The following LRGUK variants were observed in gnomAD, a reference collection of about 807,000 sequenced individuals.
LRGUK encodes the protein leucine-rich repeat and guanylate kinase domain-containing protein.
A neutral mutation model predicts 76.0 loss-of-function variants in LRGUK; 65 were observed. That is an observed-to-expected ratio of 0.85 (90% CI 0.70 to 1.05). The LOEUF (loss-of-function observed/expected upper bound fraction) is 1.05. LRGUK is among the 50% of genes least tolerant of loss of function. LRGUK has a pLI of 0.00. For missense variants in LRGUK, 758 were observed against 732.8 expected, an observed-to-expected ratio of 1.03 and a Z score of -0.40; for synonymous variants, 268 against 265.6, an observed-to-expected ratio of 1.01 and a Z score of -0.09.
At chr7:134,221,667 T>A in intron 15 of LRGUK, 112 bp from the exon 16 acceptor site, 1 of 718,206 alleles carries the variant, frequency 1.4e-6, no homozygotes, top group South Asian at 3.5e-5. Flanking sequence ...ATGCGCACAT[T>A]TTAAGTATCC....
At chr7:134,258,522 A>AC in intron 19 of LRGUK, 117 bp downstream of exon 19, 1 of 912,538 alleles carries the variant, frequency 1.1e-6, no homozygotes, top group East Asian at 2.8e-5. Flanking sequence ...AAATTGTGAA[A>AC]CCCCATCTCT....
chr7:134,157,908 A>G (rs1798553640), intron 5 of LRGUK, 127 bp from the exon 6 acceptor site: 5 of 636,720 alleles, frequency 7.9e-6, no homozygotes, highest in Non-Finnish European at 1.3e-5. Flanking sequence ...CTCATCCTAT[A>G]TTGGGCATAT....
chr7:134,184,041 A>G (rs1799873975), intron 11 of LRGUK, among the ~76,000 whole-genome samples, 188 bp downstream of exon 11: 1 of 152,222 alleles, frequency 6.6e-6, no homozygotes, highest in Non-Finnish European at 1.5e-5. Flanking sequence ...AAGTAAATTG[A>G]ATGTTCAATA....
rs568618665 is a variant in LRGUK, at chr7:134,221,889, G to A, written c.1954G>A (p.Ala652Thr). The change falls in exon 16 of 20, where the codon GCC (alanine) becomes ACC (threonine). Residue 652 changes from alanine to threonine, a missense_variant. By Grantham distance (58) the Ala-to-Thr change is moderately conservative (BLOSUM62 0). Transcript: ENST00000285928. ...CAGAAACTACCTCATTAAATTTTGG[G>A]CCAAACTTTCAGCCAAAAAAACACC... The A allele has an allele frequency of 3.8e-6, 6 of 1,593,632 alleles. No homozygotes were observed. In the East Asian group the frequency reaches 1.2e-4, roughly 31 times the overall value.
chr7:134,137,005 T>G lies in LRGUK; in HGVS notation c.298-18T>G. ...AATGAGAATCTTTTCTTTGTCTACC[T>G]TTCTGGGTTTTTTACAGGAGGAATT... On this transcript the variant is annotated intron_variant, in intron 1 of 15. Transcript: ENST00000645682. 6.4e-7 allele frequency: 1 copy of G among 1,568,866 alleles called. No individual in the cohort carries two copies. Among genetic ancestry groups the G allele is most frequent in the South Asian group, 1.1e-5 (1 of 88,800 alleles).
chr7:134,148,690 C>G (rs1321419278), intron 5 of LRGUK, among the ~76,000 whole-genome samples: 1 of 152,134 alleles, frequency 6.6e-6, no homozygotes, highest in African/African-American at 2.4e-5. Context: ...CTTTGGGAGG[C>G]CAAGGCAGGT....
At chr7:134,172,320 A>G (rs1799289706) in intron 7 of LRGUK, among the ~76,000 whole-genome samples, 1 of 152,296 alleles carries the variant, frequency 6.6e-6, no homozygotes, top group East Asian at 1.9e-4. Context: ...TTTACAAAAA[A>G]TTAGAATATA....
intron 4 of LRGUK, among the ~76,000 whole-genome samples, chr7:134,146,439 AGTTT>A (rs1194744091): frequency 6.6e-6 from 1 of 152,070 alleles, no homozygotes; most frequent in Non-Finnish European, 1.5e-5. Context: ...GCTTATTCCT[AGTTT>A]ATTATTATTC....
chr7:134,268,715 A>AAAT (rs1802904777), downstream of LRGUK, among the ~76,000 whole-genome samples: 1 of 111,866 alleles, frequency 8.9e-6, no homozygotes, highest in Non-Finnish European at 1.9e-5. Flanking sequence ...TATGCAAAAA[A>AAAT]TCTTTTTTTT....
the LRGUK span, among the ~76,000 whole-genome samples, chr7:134,271,667 T>A: frequency 6.6e-6 from 1 of 152,004 alleles, no homozygotes; most frequent in Non-Finnish European, 1.5e-5. Flanking sequence ...GTTTCTCTTT[T>A]TTTATGATAC....
At chr7:134,252,418 T>G (rs1166736543) in intron 18 of LRGUK, among the ~76,000 whole-genome samples, 4 of 152,112 alleles carry the variant, frequency 2.6e-5, no homozygotes, top group African/African-American at 9.7e-5. Flanking sequence ...CCAAAAGCTG[T>G]CGTCCAACAA....
chr7:134,152,059 G>A (rs890008967), intron 5 of LRGUK, among the ~76,000 whole-genome samples: 1 of 151,930 alleles, frequency 6.6e-6, no homozygotes, highest in Non-Finnish European at 1.5e-5. Flanking sequence ...ACAAGAGAAA[G>A]AAATTAAAGG....
At chr7:134,211,939 C>A (rs987247607), downstream of LRGUK, among the ~76,000 whole-genome samples, 1 of 152,160 alleles carries the variant, frequency 6.6e-6, no homozygotes, top group African/African-American at 2.4e-5. Flanking sequence ...CTAGTCATCT[C>A]CTGGACTCTG....
intron 5 of LRGUK, among the ~76,000 whole-genome samples, chr7:134,156,890 A>G (rs1321287533): frequency 1.3e-5 from 2 of 152,190 alleles, no homozygotes; most frequent in African/African-American, 4.8e-5. Flanking sequence ...AAGGCAAAAA[A>G]ATGGCAGGTC....
intron 4 of LRGUK, among the ~76,000 whole-genome samples, chr7:134,146,369 C>A (rs2116860211): frequency 6.6e-6 from 1 of 152,124 alleles, no homozygotes; most frequent in East Asian, 1.9e-4. Context: ...CATACTATGG[C>A]ACCAGAATGA....
intron 16 of LRGUK, among the ~76,000 whole-genome samples, chr7:134,228,763 A>C (rs1801821013): frequency 6.6e-6 from 1 of 152,178 alleles, no homozygotes; most frequent in African/African-American, 2.4e-5. Flanking sequence ...GTCTAGGAAG[A>C]GGGTAAATGT....
At chr7:134,181,859 T>C (rs988265141) in intron 10 of LRGUK, among the ~76,000 whole-genome samples, 3 of 152,210 alleles carry the variant, frequency 2.0e-5, no homozygotes. Context: ...CAGTTTTGCA[T>C]GTGCTCTTTT....
rs189573313 is a variant in LRGUK at position 134,163,897 on chromosome 7, C to T, written c.939+357C>T. On this transcript the variant is annotated intron_variant, in intron 7 of 15. Transcript: ENST00000645682. ...AAGGAGGTTGGAGATATAAGAATAG[C>T]CATTGGCTGGTGTTGCTCCATATCT... Among the ~76,000 whole-genome samples the T allele has an allele frequency of 2.4e-4, 36 of 152,194 alleles. No individual in the cohort carries two copies. In the East Asian group the frequency reaches 6.7e-3, roughly 29 times the overall value.
At chr7:134,166,412 C>A (rs1342263314) in intron 7 of LRGUK, among the ~76,000 whole-genome samples, 3 of 152,114 alleles carry the variant, frequency 2.0e-5, no homozygotes, top group Non-Finnish European at 4.4e-5. Flanking sequence ...ATATCCCAAG[C>A]TGTTAGCTCT....
Sources: gnomAD v4.1 joint callset for allele counts (sites outside exome capture counted in the v4.1 genomes callset) on GRCh38, gnomAD v4.1.1 for gene constraint, MANE v1.5 for transcripts, NCBI Gene and HGNC (gene_info 2026-07-23, HGNC 2026-07-21) for gene names.